Variants in DMD observed in about 807,000 individuals in gnomAD.
The protein encoded by DMD is mutant dystrophin.
DMD carries 63 observed loss-of-function variants against 330.1 expected under a neutral mutation model. The observed-to-expected ratio is 0.19, with a 90% confidence interval of 0.16 to 0.24. The LOEUF (loss-of-function observed/expected upper bound fraction) is 0.24. DMD is among the 10% of genes least tolerant of loss of function. The pLI, the probability that DMD is intolerant of heterozygous loss-of-function variation, is 1.00. For synonymous variants in DMD, 1,223 were observed against 959.8 expected, an observed-to-expected ratio of 1.27 and a Z score of -5.07; for missense variants, 3,344 against 2,684.1, an observed-to-expected ratio of 1.25 and a Z score of -5.43.
intron 59 of DMD, among the ~76,000 whole-genome samples, chrX:31,475,492 C>T (rs2067676407): frequency 8.9e-6 from 1 of 112,309 alleles, no homozygotes; most frequent in Non-Finnish European, 1.9e-5. Context: ...CTTATGTCTG[C>T]TCTACAGCCT....
chrX:32,687,441 C>T (rs190239778), intron 9 of DMD, among the ~76,000 whole-genome samples: 3 of 111,659 alleles, frequency 2.7e-5, no homozygotes, highest in Non-Finnish European at 3.8e-5. Context: ...CTAGGATGGA[C>T]CCCTGACTAT....
chrX:31,279,123 A>C (rs921445845), intron 62 of DMD, among the ~76,000 whole-genome samples: 1 of 112,100 alleles, frequency 8.9e-6, no homozygotes, highest in Non-Finnish European at 1.9e-5. Context: ...GCTTTCATTA[A>C]ATTCCCAGTA....
intron 7 of DMD, among the ~76,000 whole-genome samples, chrX:32,699,619 G>C (rs1396831086): frequency 9.0e-6 from 1 of 111,566 alleles, no homozygotes; most frequent in Admixed American, 9.6e-5. Context: ...AAAAATAAAA[G>C]ATTACATTTT....
At chrX:31,287,818 C>T (rs1028508636) in intron 62 of DMD, among the ~76,000 whole-genome samples, 2 of 111,820 alleles carry the variant, frequency 1.8e-5, no homozygotes, top group African/African-American at 6.5e-5. Context: ...ATTACGTGTA[C>T]AGCAAATGGT....
At chrX:32,889,469 A>G (rs891222041) in intron 2 of DMD, among the ~76,000 whole-genome samples, 1 of 110,714 alleles carries the variant, frequency 9.0e-6, no homozygotes, top group Non-Finnish European at 1.9e-5. Context: ...TATCAGTGTC[A>G]GGACTCTGAG....
chrX:31,195,824 G>C (rs1276577790), intron 67 of DMD, among the ~76,000 whole-genome samples: 2 of 108,790 alleles, frequency 1.8e-5, no homozygotes, highest in African/African-American at 6.7e-5. Flanking sequence ...AAGAGAGGCG[G>C]GAGGGAGGGC....
intron 52 of DMD, among the ~76,000 whole-genome samples, chrX:31,697,760 C>G (rs1238802084): frequency 8.9e-6 from 1 of 112,176 alleles, no homozygotes; most frequent in Non-Finnish European, 1.9e-5. Context: ...GAACAAAGAA[C>G]AGTTCTGTTG....
At chrX:32,981,208 T>G in intron 2 of DMD, among the ~76,000 whole-genome samples, 1 of 112,108 alleles carries the variant, frequency 8.9e-6, no homozygotes. Flanking sequence ...TTCAATATTC[T>G]TTAGAGTTTG....
intron 4 of DMD, among the ~76,000 whole-genome samples, chrX:32,827,186 C>T (rs2078785423): frequency 9.2e-6 from 1 of 108,358 alleles, no homozygotes; most frequent in Non-Finnish European, 1.9e-5. Flanking sequence ...CTGTGTCTCA[C>T]GGAAGCCCAA....
intron 60 of DMD, among the ~76,000 whole-genome samples, chrX:31,358,657 A>C (rs2058782704): frequency 8.9e-6 from 1 of 112,753 alleles, no homozygotes. Context: ...TGGTGTGACA[A>C]GAATAAAGGA....
intron 22 of DMD, among the ~76,000 whole-genome samples, chrX:32,471,618 A>T (rs867193313): frequency 9.8e-5 from 11 of 112,208 alleles, no homozygotes; most frequent in Admixed American, 2.8e-4. Context: ...CATAATATTT[A>T]CATTGTATTA....
chrX:31,910,721 T>C (rs2094537113), intron 47 of DMD, among the ~76,000 whole-genome samples: 1 of 110,918 alleles, frequency 9.0e-6, no homozygotes, highest in East Asian at 2.9e-4. Flanking sequence ...GATTTAGAGA[T>C]TGGTGGTATT....
chrX:32,523,402 CTG>C (rs1384229356), intron 17 of DMD, among the ~76,000 whole-genome samples: 1 of 111,960 alleles, frequency 8.9e-6, no homozygotes, highest in Non-Finnish European at 1.9e-5. Flanking sequence ...AATTATAACT[CTG>C]TATTTTGCCC....
intron 62 of DMD, among the ~76,000 whole-genome samples, chrX:31,286,601 C>G (rs767657060): frequency 4.6e-4 from 52 of 112,249 alleles, no homozygotes; most frequent in Non-Finnish European, 9.0e-4. Context: ...ATTAGCATCA[C>G]CTGTTAGAAA....
intron 2 of DMD, among the ~76,000 whole-genome samples, chrX:32,976,256 C>T (rs2092548689): frequency 9.1e-6 from 1 of 110,023 alleles, no homozygotes; most frequent in African/African-American, 3.3e-5. Context: ...TGCAGTTCCT[C>T]TCAACTGGGC....
chrX:31,879,783 T>C (rs1569494595), intron 47 of DMD, among the ~76,000 whole-genome samples: 1 of 112,101 alleles, frequency 8.9e-6, no homozygotes, highest in South Asian at 3.7e-4. Flanking sequence ...GTGAGTAATG[T>C]ATAACGTGGA....
At chrX:31,764,687 T>C (rs1352745361) in intron 51 of DMD, among the ~76,000 whole-genome samples, 7 of 111,846 alleles carry the variant, frequency 6.3e-5, no homozygotes, top group South Asian at 3.7e-4. Context: ...GAGTTGAACA[T>C]AGATTAACTT....
chrX:31,695,496 T>C (rs909485521), intron 52 of DMD, among the ~76,000 whole-genome samples: 1 of 110,502 alleles, frequency 9.0e-6, no homozygotes, highest in Non-Finnish European at 1.9e-5. Context: ...ATGTGCTTGT[T>C]TCACATTACA....
intron 1 of DMD, among the ~76,000 whole-genome samples, chrX:33,113,601 C>G (rs201349030): frequency 2.6e-4 from 22 of 84,467 alleles, no homozygotes; most frequent in Non-Finnish European, 4.4e-4. Flanking sequence ...CCCCCCCCCC[C>G]AAAAAAATCT....
Sources: allele counts gnomAD v4.1 joint callset (sites outside exome capture counted in the v4.1 genomes callset), GRCh38; gene constraint gnomAD v4.1.1; transcripts MANE v1.5; gene names NCBI Gene and HGNC (gene_info 2026-07-23, HGNC 2026-07-21).